Variants in STK32B observed in about 807,000 individuals in gnomAD.
STK32B encodes the protein serine/threonine-protein kinase 32B.
A neutral mutation model predicts 52.6 loss-of-function variants in STK32B; 43 were observed. The observed-to-expected ratio is 0.82, with a 90% confidence interval of 0.64 to 1.05. STK32B has a LOEUF of 1.05. STK32B is among the 50% of genes least tolerant of loss of function. STK32B has a pLI of 0.00. For missense variants in STK32B, 621 were observed against 534.6 expected, an observed-to-expected ratio of 1.16 and a Z score of -1.59; for synonymous variants, 238 against 204.3, an observed-to-expected ratio of 1.17 and a Z score of -1.41.
chr4:5,099,966 C>G (rs976738792), intron 1 of STK32B, among the ~76,000 whole-genome samples: 2 of 150,398 alleles, frequency 1.3e-5, no homozygotes, highest in Non-Finnish European at 1.5e-5. Flanking sequence ...TTGAGATGTT[C>G]GGATTTTAAA....
chr4:5,471,509 C>A (rs940935200), intron 11 of STK32B, among the ~76,000 whole-genome samples: 1 of 152,028 alleles, frequency 6.6e-6, no homozygotes, highest in Non-Finnish European at 1.5e-5. Flanking sequence ...ACCCTGCCCA[C>A]ACCTTGATTT....
chr4:5,271,230 C>T (rs1213558816), intron 3 of STK32B, among the ~76,000 whole-genome samples: 1 of 152,158 alleles, frequency 6.6e-6, no homozygotes, highest in Non-Finnish European at 1.5e-5. Flanking sequence ...AGTCACTGTG[C>T]CCAGCCTGAG....
At chr4:5,432,279 C>A (rs966984675) in intron 6 of STK32B, 5 of 152,196 alleles carry the variant, frequency 3.3e-5, no homozygotes, top group African/African-American at 1.2e-4. Flanking sequence ...GCATCTACTT[C>A]TAGATCAACT....
intron 3 of STK32B, among the ~76,000 whole-genome samples, chr4:5,191,717 G>GGCCC (rs1176548956): frequency 6.6e-6 from 1 of 152,090 alleles, no homozygotes; most frequent in African/African-American, 2.4e-5. Context: ...CTGAGAATTG[G>GGCCC]GCCCAAGCAC....
chr4:5,054,410 G>A (rs1741917902), intron 1 of STK32B, among the ~76,000 whole-genome samples: 1 of 151,874 alleles, frequency 6.6e-6, no homozygotes, highest in Non-Finnish European at 1.5e-5. Flanking sequence ...AATGGCAGGA[G>A]TTACCTGGGG....
At chr4:5,322,332 T>G (rs1249282783) in intron 3 of STK32B, among the ~76,000 whole-genome samples, 2 of 152,154 alleles carry the variant, frequency 1.3e-5, no homozygotes, top group African/African-American at 2.4e-5. Flanking sequence ...TTAGCTCCTC[T>G]CTTGCTGGCT....
chr4:5,213,597 G>C (rs1264932777), intron 3 of STK32B, among the ~76,000 whole-genome samples: 2 of 152,176 alleles, frequency 1.3e-5, no homozygotes, highest in Admixed American at 6.5e-5. Flanking sequence ...TTAGGAAATG[G>C]ATTTCTTATA....
upstream of STK32B, among the ~76,000 whole-genome samples, chr4:5,049,480 C>A (rs1741676788): frequency 6.6e-6 from 1 of 152,012 alleles, no homozygotes; most frequent in Admixed American, 6.6e-5. Context: ...ATGGGTGGGG[C>A]AGTTTTATAG....
intron 3 of STK32B, among the ~76,000 whole-genome samples, chr4:5,219,011 A>G (rs1259127354): frequency 1.3e-5 from 2 of 152,046 alleles, no homozygotes; most frequent in African/African-American, 2.4e-5. Context: ...CCAGCCCCAA[A>G]TTGTGGGGCC....
intron 3 of STK32B, among the ~76,000 whole-genome samples, chr4:5,176,872 G>T (rs1376222736): frequency 6.6e-6 from 1 of 152,124 alleles, no homozygotes; most frequent in Non-Finnish European, 1.5e-5. Context: ...GCCTCTGGTG[G>T]CTTTTATTTT....
In STK32B at chr4:5,433,901, C is replaced by G. The variant is rs574381560; in HGVS notation, c.563-12772C>G. On this transcript the variant is annotated intron_variant, in intron 6 of 11. Coordinates refer to ENST00000282908, the MANE Select transcript of STK32B (RefSeq NM_018401.3). Reference sequence around the variant, plus strand: ...TCCCACCACATGCACATCTACATTTCTGAGGGAAAGAAAGGCGATGTCTCA... The same window carrying G: ...TCCCACCACATGCACATCTACATTTGTGAGGGAAAGAAAGGCGATGTCTCA... Among the ~76,000 whole-genome samples, 36 of 152,324 alleles carry G rather than the reference C, an allele frequency of 2.4e-4. No homozygotes were observed. In the South Asian group the frequency reaches 5.8e-3, roughly 25 times the overall value.
At position 5,159,800 on chromosome 4, in the gene STK32B, AAT is replaced by A. The variant is rs560375977; in HGVS notation, c.109-8490_109-8489del. Among the ~76,000 whole-genome samples, 7 of 147,510 alleles carry A rather than the reference AAT, an allele frequency of 4.7e-5. No individual in the cohort carries two copies. In the South Asian group the frequency reaches 6.3e-4, roughly 13 times the overall value. On this transcript the variant is annotated intron_variant, in intron 2 of 11. Transcript: ENST00000282908. ...ATGAATGTTTATGAATATATATATGAATATATATATGTTATTGGAGTTTGATT... is the reference window on the plus strand; with the variant it reads ...ATGAATGTTTATGAATATATATATGAATATATATGTTATTGGAGTTTGATT...
At chr4:5,169,353 C>G (rs1719150547) in intron 3 of STK32B, among the ~76,000 whole-genome samples, 1 of 152,078 alleles carries the variant, frequency 6.6e-6, no homozygotes, top group Non-Finnish European at 1.5e-5. Context: ...GGAGGACAGG[C>G]CGCTTTAGGA....
At chr4:5,241,503 G>C (rs1460077055) in intron 3 of STK32B, among the ~76,000 whole-genome samples, 2 of 152,136 alleles carry the variant, frequency 1.3e-5, no homozygotes, top group Non-Finnish European at 1.5e-5. Context: ...GGAATCCATT[G>C]GAATTCCAAA....
At chr4:5,478,209 G>C (rs1718387025) in intron 11 of STK32B, among the ~76,000 whole-genome samples, 1 of 152,290 alleles carries the variant, frequency 6.6e-6, no homozygotes, top group Middle Eastern at 3.4e-3. Flanking sequence ...TATTAAATGA[G>C]AAGTTGTGGA....
chr4:5,125,248 A>G (rs1259765058), intron 1 of STK32B, among the ~76,000 whole-genome samples: 1 of 152,226 alleles, frequency 6.6e-6, no homozygotes, highest in Non-Finnish European at 1.5e-5. Context: ...AACCCTGTTG[A>G]TCCTGCTCAG....
In STK32B at chr4:5,425,579, T is replaced by C. The variant is rs116787579; in HGVS notation, c.562+8645T>C. On this transcript the variant is annotated intron_variant, in intron 6 of 11. Coordinates refer to ENST00000282908, the MANE Select transcript of STK32B (RefSeq NM_018401.3). Reference sequence around the variant, plus strand: ...ACATAAGTATTCCTACCCTCATTGGTTTGGCTGTTTGTGAGGGAGACAGTC... The same window carrying C: ...ACATAAGTATTCCTACCCTCATTGGCTTGGCTGTTTGTGAGGGAGACAGTC... Among the ~76,000 whole-genome samples, 749 of 148,888 alleles carry C rather than the reference T, an allele frequency of 5.0e-3. 11 individuals are homozygous for C. Among genetic ancestry groups the C allele is most frequent in the African/African-American group, 0.016 (650 of 39,688 alleles).
intron 3 of STK32B, among the ~76,000 whole-genome samples, chr4:5,253,270 G>A (rs567935000): frequency 1.3e-5 from 2 of 152,176 alleles, no homozygotes; most frequent in Admixed American, 1.3e-4. Context: ...CCAAACCTGG[G>A]CCTCCAACTA....
intron 11 of STK32B, among the ~76,000 whole-genome samples, chr4:5,485,913 A>G (rs942345532): frequency 1.3e-5 from 2 of 152,192 alleles, no homozygotes; most frequent in African/African-American, 2.4e-5. Context: ...ATATTGGTGA[A>G]CAGCAAATGT....
Sources: allele counts gnomAD v4.1 joint callset (sites outside exome capture counted in the v4.1 genomes callset), GRCh38; gene constraint gnomAD v4.1.1; transcripts MANE v1.5; gene names NCBI Gene and HGNC (gene_info 2026-07-23, HGNC 2026-07-21).